The following C2orf74 variants were observed in gnomAD, a reference collection of about 807,000 sequenced individuals.
C2orf74 encodes DPM1 ER membrane anchor 1.
Under a neutral mutation model 17.9 loss-of-function variants are expected in C2orf74, and 14 were observed. The ratio of observed to expected loss-of-function variants is 0.78; its 90% CI spans 0.52 to 1.22. The LOEUF (loss-of-function observed/expected upper bound fraction) is 1.22, where lower values mean the gene tolerates loss of function less well. C2orf74 is among the 50% of genes most tolerant of loss of function. C2orf74 has a pLI of 0.00. For missense variants in C2orf74, 217 were observed against 218.4 expected, an observed-to-expected ratio of 0.99 and a Z score of 0.04; for synonymous variants, 79 against 72.6, an observed-to-expected ratio of 1.09 and a Z score of -0.44.
rs1364615032 is a variant in C2orf74 at position 61,163,085 on chromosome 2, G to A, written c.243G>A (p.Pro81=). 2.8e-5 allele frequency: 43 copies of A among 1,551,996 alleles called. No individual in the cohort carries two copies. The highest frequency in any genetic ancestry group is 5.5e-5 in the African/African-American group (4 of 73,050). ...TGCAAGTCATGAACTTGAATGTGCCGATGAGGCCTGGCATTCTTGTCCAGA... is the reference window on the plus strand; with the variant it reads ...TGCAAGTCATGAACTTGAATGTGCCAATGAGGCCTGGCATTCTTGTCCAGA... The part of the protein sequence containing the change: ...ILMQVMNLNV[P]MRPGILVQRQ... Residue 81 remains proline (P), a synonymous_variant, in exon 4 of 5, where the codon CCG becomes CCA. Transcript: ENST00000432605.
intron 1 of C2orf74, among the ~76,000 whole-genome samples, chr2:61,153,567 C>T (rs572226801): frequency 6.7e-6 from 1 of 149,538 alleles, no homozygotes; most frequent in East Asian, 2.1e-4. Context: ...CAGGTGTGAG[C>T]CACCGCGCCT....
At chr2:61,146,848 AC>A (rs1392827782) in intron 1 of C2orf74, among the ~76,000 whole-genome samples, 2 of 147,106 alleles carry the variant, frequency 1.4e-5, no homozygotes, top group Non-Finnish European at 3.0e-5. Context: ...AAAAAAAAAA[AC>A]AAAAAACAAA....
At chr2:61,162,818 A>C (rs1303653909) in intron 2 of C2orf74, 24 bp from the exon 3 acceptor site, 24 of 1,537,106 alleles carry the variant, frequency 1.6e-5, no homozygotes, top group Non-Finnish European at 1.9e-5. Flanking sequence ...TCCTTTTCTG[A>C]ATTTGTGGCT....
chr2:61,156,977 T>C (rs1685409806), intron 1 of C2orf74, among the ~76,000 whole-genome samples: 1 of 152,224 alleles, frequency 6.6e-6, no homozygotes. Flanking sequence ...CACCAGTCTA[T>C]AGATAACACT....
chr2:61,149,663 A>G (rs182935997), intron 1 of C2orf74, among the ~76,000 whole-genome samples: 1 of 140,644 alleles, frequency 7.1e-6, no homozygotes, highest in Admixed American at 7.9e-5. Context: ...ACTGCAACTT[A>G]CGCCTCCCAG....
In C2orf74 at chr2:61,164,332, T is replaced by G. The variant is rs746509146; in HGVS notation, c.391-22T>G. The stretch of plus-strand genomic sequence containing the variant: ...TCATAAATTGATTATTTGTTTATAT[T>G]GTTTGTCCCATTCTCTTGCAGGATG... On this transcript the variant is annotated intron_variant, in intron 4 of 4. Coordinates refer to ENST00000432605, the MANE Select transcript of C2orf74 (RefSeq NM_001143959.4). 6.6e-7 allele frequency: 1 copy of G among 1,504,380 alleles called. No homozygotes were observed. Among genetic ancestry groups the G allele is most frequent in the African/African-American group, 1.4e-5 (1 of 70,998 alleles). The allele number at this position is 1,504,380 out of a possible 1,614,324, so 93.2% of individuals were successfully genotyped here.
At chr2:61,145,589 A>T (rs545605408) in intron 1 of C2orf74, among the ~76,000 whole-genome samples, 2 of 151,954 alleles carry the variant, frequency 1.3e-5, no homozygotes, top group South Asian at 4.2e-4. Context: ...ACGCCAGGCT[A>T]ATTTTTATAT....
chr2:61,161,654 T>C (rs936355643), upstream of C2orf74: 1 of 152,252 alleles, frequency 6.6e-6, no homozygotes, highest in African/African-American at 2.4e-5. Flanking sequence ...TGAAGACTTG[T>C]GCATCAATAT....
intron 1 of C2orf74, among the ~76,000 whole-genome samples, chr2:61,145,534 C>T (rs989098892): frequency 2.0e-5 from 3 of 152,160 alleles, no homozygotes; most frequent in Admixed American, 1.3e-4. Context: ...AGTGATTCTC[C>T]CACCTCAGCC....
At chr2:61,157,825 C>G, upstream of C2orf74, 2 of 467,776 alleles carry the variant, frequency 4.3e-6, no homozygotes. Context: ...AGCGTGCTCA[C>G]TCATCCTGTA....
chr2:61,164,796 G>T lies in C2orf74; in HGVS notation c.*269G>T. The T allele has an allele frequency of 3.9e-6, 1 of 253,702 alleles. No homozygotes were observed. Among genetic ancestry groups the T allele is most frequent in the South Asian group, 1.0e-4 (1 of 9,640 alleles). The allele number at this position is 253,702 out of a possible 1,614,324, so 15.7% of individuals were successfully genotyped here. A position where few individuals can be genotyped will look rare whatever the true frequency, so the allele number is the denominator to read the frequency against. On this transcript the variant is annotated 3_prime_UTR_variant, in exon 5 of 5. Transcript: ENST00000432605. ...AACTATCTACTCAAACACTGTTCTG[G>T]CATGTGAATAAAGTGATTTTTGTTT...
chr2:61,162,662 G>A lies in C2orf74; in HGVS notation c.95+53G>A. ...CAGATTTCAAGTCACATTAGCAAAT[G>A]TGTATAGAAATAATGTAAAACAATT... is the stretch of plus-strand genomic sequence containing the variant. On this transcript the variant is annotated intron_variant, in intron 2 of 4. Transcript: ENST00000432605. 7 of 1,194,140 alleles carry A rather than the reference G, an allele frequency of 5.9e-6. No homozygotes were observed. In the South Asian group the frequency reaches 9.4e-5, roughly 16 times the overall value. The allele number at this position is 1,194,140 out of a possible 1,614,324, so 74.0% of individuals were successfully genotyped here. A position where few individuals can be genotyped will look rare whatever the true frequency, so the allele number is the denominator to read the frequency against.
chr2:61,153,779 C>A (rs1469020188), intron 1 of C2orf74, among the ~76,000 whole-genome samples: 9 of 151,404 alleles, frequency 5.9e-5, no homozygotes, highest in Non-Finnish European at 1.3e-4. Flanking sequence ...ATCCCAGCTA[C>A]TCAGGAGGCT....
chr2:61,164,660 C>G lies in C2orf74; in HGVS notation c.*133C>G. 1 of 765,000 alleles carries G rather than the reference C, an allele frequency of 1.3e-6. No homozygotes were observed. The highest frequency in any genetic ancestry group is 1.9e-6 in the Non-Finnish European group (1 of 528,468). 47.4% of individuals were successfully genotyped at this position (765,000 alleles called of 1,614,324 possible). A position where few individuals can be genotyped will look rare whatever the true frequency, so the allele number is the denominator to read the frequency against. ...ATAAAGATATTATTTTACCTTTGTG[C>G]AGAAAGGAGTGAGCCATGTGCAAAA... is the stretch of plus-strand genomic sequence containing the variant. On this transcript the variant is annotated 3_prime_UTR_variant, in exon 5 of 5. Coordinates refer to ENST00000432605, the MANE Select transcript of C2orf74 (RefSeq NM_001143959.4).
In C2orf74 at chr2:61,164,657, G is replaced by C; in HGVS notation, c.*130G>C. The C allele has an allele frequency of 1.3e-6, 1 of 788,468 alleles. No homozygotes were observed. Among genetic ancestry groups the C allele is most frequent in the Non-Finnish European group, 1.8e-6 (1 of 548,160 alleles). 48.8% of individuals were successfully genotyped at this position (788,468 alleles called of 1,614,324 possible). A position where few individuals can be genotyped will look rare whatever the true frequency, so the allele number is the denominator to read the frequency against. On this transcript the variant is annotated 3_prime_UTR_variant, in exon 5 of 5. Transcript: ENST00000432605. ...CAAATAAAGATATTATTTTACCTTT[G>C]TGCAGAAAGGAGTGAGCCATGTGCA...
chr2:61,153,149 CAA>C (rs1166347493), intron 1 of C2orf74, among the ~76,000 whole-genome samples: 113 of 56,216 alleles, frequency 2.0e-3, no homozygotes, highest in African/African-American at 6.8e-3. Context: ...ACTCCGTCTC[CAA>C]AAAAAAAAAA....
At chr2:61,147,416 C>G (rs978072715) in intron 1 of C2orf74, among the ~76,000 whole-genome samples, 2 of 152,154 alleles carry the variant, frequency 1.3e-5, no homozygotes, top group Admixed American at 6.5e-5. Flanking sequence ...CTTGGAATAA[C>G]AAGAGTTCAT....
At position 61,164,584 on chromosome 2, in the gene C2orf74, C is replaced by T; in HGVS notation, c.*57C>T. On this transcript the variant is annotated 3_prime_UTR_variant, in exon 5 of 5. Coordinates refer to ENST00000432605, the MANE Select transcript of C2orf74 (RefSeq NM_001143959.4). The stretch of plus-strand genomic sequence containing the variant: ...GTAACGTTTGACTAACGTTGAAAGA[C>T]TGAGGGTACAAAATCATGTTGAAAC... 7.7e-7 allele frequency: 1 copy of T among 1,301,296 alleles called. No homozygotes were observed. Among genetic ancestry groups the T allele is most frequent in the Non-Finnish European group, 1.0e-6 (1 of 983,166 alleles). The allele number at this position is 1,301,296 out of a possible 1,614,324, so 80.6% of individuals were successfully genotyped here. A position where few individuals can be genotyped will look rare whatever the true frequency, so the allele number is the denominator to read the frequency against.
chr2:61,157,875 C>T (rs369008040), upstream of C2orf74: 290 of 471,168 alleles, frequency 6.2e-4, 2 homozygotes, highest in South Asian at 3.4e-3. Context: ...TTCAACAGAT[C>T]ACATGGATCA....
Sources: allele counts gnomAD v4.1 joint callset (sites outside exome capture counted in the v4.1 genomes callset), GRCh38; gene constraint gnomAD v4.1.1; transcripts MANE v1.5; gene names NCBI Gene and HGNC (gene_info 2026-07-23, HGNC 2026-07-21).